XKR9: variants seen among roughly 807,000 people sequenced by gnomAD.
XKR9 encodes the protein XK related 9.
A neutral mutation model predicts 32.0 loss-of-function variants in XKR9; 32 were observed. That is an observed-to-expected ratio of 1.00 (90% CI 0.76 to 1.34). The LOEUF (loss-of-function observed/expected upper bound fraction) is 1.34, where lower values mean the gene tolerates loss of function less well. Among genes scored for constraint, XKR9 ranks in the 40% most tolerant of loss-of-function variants. The pLI, the probability that XKR9 is intolerant of heterozygous loss-of-function variation, is 0.00. For synonymous variants in XKR9, 168 were observed against 143.4 expected (o/e 1.17, Z -1.22); for missense variants, 546 against 429.7 (o/e 1.27, Z -2.39).
At chr8:70,757,559 G>T (rs1807245177) in intron 2 of XKR9, among the ~76,000 whole-genome samples, 1 of 73,232 alleles carries the variant, frequency 1.4e-5, no homozygotes, top group Non-Finnish European at 4.5e-5. Context: ...ATGTATGTAT[G>T]TATGTATGTA....
At chr8:70,962,172 A>G in the XKR9 span, among the ~76,000 whole-genome samples, 2 of 152,244 alleles carry the variant, frequency 1.3e-5, no homozygotes, top group African/African-American at 2.4e-5. Flanking sequence ...ATATGTTTAA[A>G]TATCTTAGTA....
At chr8:70,761,943 A>G (rs192509093) in intron 2 of XKR9, among the ~76,000 whole-genome samples, 1 of 152,070 alleles carries the variant, frequency 6.6e-6, no homozygotes, top group African/African-American at 2.4e-5. Flanking sequence ...AGCACCATTT[A>G]TTAAATAGGG....
the XKR9 span, among the ~76,000 whole-genome samples, chr8:70,961,074 G>A: frequency 6.6e-6 from 1 of 152,202 alleles, no homozygotes; most frequent in Non-Finnish European, 1.5e-5. Context: ...GAAGGCTGAG[G>A]CAGCAGAATT....
the XKR9 span, among the ~76,000 whole-genome samples, chr8:70,850,156 C>T: frequency 1.3e-5 from 2 of 151,872 alleles, no homozygotes; most frequent in African/African-American, 2.4e-5. Context: ...ACCTGGCAGA[C>T]ACAACAAAAA....
intron 2 of XKR9, among the ~76,000 whole-genome samples, chr8:70,679,381 T>G (rs1024957660): frequency 1.3e-5 from 2 of 152,212 alleles, no homozygotes; most frequent in Non-Finnish European, 2.9e-5. Context: ...TGTATTATCT[T>G]TCTTGACCTT....
At chr8:70,714,896 T>C (rs886832346) in intron 4 of XKR9, among the ~76,000 whole-genome samples, 12 of 152,168 alleles carry the variant, frequency 7.9e-5, no homozygotes, top group African/African-American at 2.7e-4. Flanking sequence ...AAGGTCATTT[T>C]AGACTGAGGA....
chr8:70,992,638 A>G, the XKR9 span, among the ~76,000 whole-genome samples: 1 of 152,228 alleles, frequency 6.6e-6, no homozygotes, highest in Non-Finnish European at 1.5e-5. Context: ...CAATAGAAGG[A>G]GACTAGAAGA....
chr8:70,689,769 G>C (rs1430840446), intron 3 of XKR9, among the ~76,000 whole-genome samples: 1 of 152,062 alleles, frequency 6.6e-6, no homozygotes, highest in Non-Finnish European at 1.5e-5. Context: ...ACAAGGTACA[G>C]ACAGAAGGTA....
At chr8:70,796,488 G>T in the XKR9 span, among the ~76,000 whole-genome samples, 1 of 151,952 alleles carries the variant, frequency 6.6e-6, no homozygotes, top group South Asian at 2.1e-4. Flanking sequence ...CTTGCTAAAG[G>T]TTGGTTTACT....
At chr8:70,797,160 C>T in the XKR9 span, among the ~76,000 whole-genome samples, 1 of 152,154 alleles carries the variant, frequency 6.6e-6, no homozygotes, top group Non-Finnish European at 1.5e-5. Flanking sequence ...TCAGTTAATG[C>T]TTCAGCAAGG....
chr8:70,734,006 T>G lies in XKR9; in HGVS notation c.704T>G (p.Leu235Trp), dbSNP rs746133644. 1.2e-6 allele frequency: 2 copies of G among 1,612,690 alleles called. No individual in the cohort carries two copies. Among genetic ancestry groups the G allele is most frequent in the South Asian group, 2.2e-5 (2 of 90,530 alleles). The change falls in exon 5 of 5, where the codon TTG (leucine) becomes TGG (tryptophan). Residue 235 changes from leucine to tryptophan, a missense_variant. Physicochemically the swap from Leu to Trp is moderately conservative, Grantham distance 61. Transcript: ENST00000408926. The stretch of plus-strand genomic sequence containing the variant: ...AATGTTAAGATTGCTTTATTTCTGT[T>G]GTTATTTCTTTGGTTGTTAGGTATA... ...FLNVKIALFL[L>W]LFLWLLGIIW... is the part of the protein sequence containing the mutation.
chr8:70,727,342 T>C (rs1206584254), intron 4 of XKR9, among the ~76,000 whole-genome samples: 3 of 145,410 alleles, frequency 2.1e-5, no homozygotes, highest in Middle Eastern at 3.8e-3. Flanking sequence ...TTTTTTTTTT[T>C]CAGGACCTCA....
chr8:70,742,130 G>T (rs1050822340), intron 2 of XKR9, among the ~76,000 whole-genome samples: 1 of 151,776 alleles, frequency 6.6e-6, no homozygotes, highest in Non-Finnish European at 1.5e-5. Context: ...ATTTAATTAA[G>T]GGTTAACATC....
At chr8:70,737,009 T>G (rs1169878341), downstream of XKR9, among the ~76,000 whole-genome samples, 4 of 152,248 alleles carry the variant, frequency 2.6e-5, no homozygotes, top group Admixed American at 6.5e-5. Flanking sequence ...GTGAAGAAAG[T>G]CATTGGTAGC....
At chr8:70,976,754 C>T in the XKR9 span, among the ~76,000 whole-genome samples, 21 of 152,018 alleles carry the variant, frequency 1.4e-4, no homozygotes, top group Non-Finnish European at 4.4e-5. Context: ...GGGAGGATTC[C>T]CTCTTTTTCT....
chr8:70,824,011 T>C, the XKR9 span, among the ~76,000 whole-genome samples: 14 of 152,202 alleles, frequency 9.2e-5, no homozygotes, highest in Non-Finnish European at 1.9e-4. Flanking sequence ...ATCACTGGAC[T>C]ATATTACCAA....
At chr8:71,022,185 T>C in the XKR9 span, among the ~76,000 whole-genome samples, 391 of 152,310 alleles carry the variant, frequency 2.6e-3, 5 homozygotes, top group African/African-American at 8.9e-3. Context: ...TCTGTTTCAT[T>C]TGTCTATGTG....
the XKR9 span, among the ~76,000 whole-genome samples, chr8:70,922,280 TG>T: frequency 6.6e-6 from 1 of 152,178 alleles, no homozygotes; most frequent in Admixed American, 6.5e-5. Flanking sequence ...GCAGAGCTGA[TG>T]GGGTAAACAT....
At chr8:70,794,394 T>G (rs2130276488), downstream of XKR9, among the ~76,000 whole-genome samples, 1 of 152,258 alleles carries the variant, frequency 6.6e-6, no homozygotes, top group African/African-American at 2.4e-5. Flanking sequence ...CAATGTTGAC[T>G]AGAAGTGGTG....
Sources: allele counts gnomAD v4.1 joint callset (sites outside exome capture counted in the v4.1 genomes callset), GRCh38; gene constraint gnomAD v4.1.1; transcripts MANE v1.5; gene names NCBI Gene and HGNC (gene_info 2026-07-23, HGNC 2026-07-21).